The following AFG3L2 variants were observed in gnomAD, a reference collection of about 807,000 sequenced individuals.
AFG3L2 encodes the protein mitochondrial inner membrane m-AAA protease component AFG3L2.
Under a neutral mutation model 94.5 loss-of-function variants are expected in AFG3L2, and 54 were observed. The observed-to-expected ratio is 0.57, with a 90% CI of 0.46 to 0.72. The LOEUF (loss-of-function observed/expected upper bound fraction) is 0.72, where lower values mean the gene tolerates loss of function less well. Ranked by LOEUF, AFG3L2 falls within the 30% of genes least tolerant of loss-of-function variation. The pLI is 0.00. For synonymous variants in AFG3L2, 377 were observed against 365.5 expected (o/e 1.03, Z -0.36); for missense variants, 754 against 994.9 (o/e 0.76, Z 3.26).
chr18:12,358,058 T>G (rs1430984561), intron 8 of AFG3L2, among the ~76,000 whole-genome samples: 1 of 152,198 alleles, frequency 6.6e-6, no homozygotes, highest in African/African-American at 2.4e-5. Context: ...AAAGTAAAAT[T>G]TATTCATGGA....
At chr18:12,347,690 T>TC (rs1908188977) in intron 13 of AFG3L2, among the ~76,000 whole-genome samples, 1 of 151,956 alleles carries the variant, frequency 6.6e-6, no homozygotes, top group South Asian at 2.1e-4. Context: ...AGCTGAGACT[T>TC]CAAGTACGAG....
At chr18:12,369,407 T>C (rs1908907948) in intron 3 of AFG3L2, among the ~76,000 whole-genome samples, 1 of 152,082 alleles carries the variant, frequency 6.6e-6, no homozygotes, top group African/African-American at 2.4e-5. Flanking sequence ...TATTTGTCTG[T>C]CCAACTAGAT....
intron 16 of AFG3L2, among the ~76,000 whole-genome samples, chr18:12,331,529 G>A (rs1246871268): frequency 4.6e-5 from 7 of 152,102 alleles, no homozygotes; most frequent in South Asian, 2.1e-4. Flanking sequence ...ATGGCCACGC[G>A]CAATGGCTCA....
chr18:12,365,553 T>G (rs193296911), intron 5 of AFG3L2, among the ~76,000 whole-genome samples: 248 of 152,368 alleles, frequency 1.6e-3, no homozygotes, highest in African/African-American at 5.0e-3. Context: ...CTGTCCGATG[T>G]AAGCATTTTG....
chr18:12,363,969 A>C (rs1280904266), intron 5 of AFG3L2, 113 bp from the exon 6 acceptor site: 39 of 866,604 alleles, frequency 4.5e-5, no homozygotes, highest in Admixed American at 1.2e-4. Flanking sequence ...AAGAATAAAG[A>C]ATCAGATAAA....
intron 13 of AFG3L2, among the ~76,000 whole-genome samples, chr18:12,344,546 C>T (rs1030808484): frequency 6.6e-6 from 1 of 151,888 alleles, no homozygotes; most frequent in Non-Finnish European, 1.5e-5. Context: ...TCGTGGTGAG[C>T]GCCTGTACTC....
chr18:12,358,972 G>A (rs1908577553), intron 7 of AFG3L2, 29 bp from the exon 8 acceptor site: 2 of 1,595,698 alleles, frequency 1.3e-6, no homozygotes. Flanking sequence ...ACACGGGTTA[G>A]GACTGGCTGC....
chr18:12,363,639 G>GT (rs1436453436), intron 6 of AFG3L2, 143 bp downstream of exon 6: 2 of 687,568 alleles, frequency 2.9e-6, no homozygotes, highest in East Asian at 5.1e-5. Context: ...ACTGATGTTA[G>GT]TAAGATCACC....
intron 7 of AFG3L2, 29 bp downstream of exon 7, chr18:12,359,898 A>G: frequency 1.9e-6 from 3 of 1,611,892 alleles, no homozygotes; most frequent in Non-Finnish European, 2.5e-6. Flanking sequence ...CACAGTCAAC[A>G]GTCTACAAAA....
chr18:12,361,240 C>CA (rs1369717017), intron 6 of AFG3L2, among the ~76,000 whole-genome samples: 11 of 151,806 alleles, frequency 7.2e-5, no homozygotes, highest in African/African-American at 2.7e-4. Context: ...CATGGTGGCA[C>CA]CCACCTATAG....
At chr18:12,343,777 G>A (rs1908031925) in intron 14 of AFG3L2, 3 of 333,724 alleles carry the variant, frequency 9.0e-6, no homozygotes, top group South Asian at 2.9e-5. Context: ...ACCACCTCAG[G>A]ATAATAAAGA....
chr18:12,371,315 C>CAAAAAAAAAAAAAA (rs1275446956), intron 2 of AFG3L2, among the ~76,000 whole-genome samples: 4 of 66,444 alleles, frequency 6.0e-5, no homozygotes, highest in African/African-American at 2.3e-4. Context: ...ACTCAGTCTC[C>CAAAAAAAAAAAAAA]AAAAAAAAAA....
intron 16 of AFG3L2, among the ~76,000 whole-genome samples, chr18:12,330,083 C>G (rs1907470839): frequency 6.6e-6 from 1 of 152,248 alleles, no homozygotes; most frequent in Non-Finnish European, 1.5e-5. Context: ...GCCTGTAATC[C>G]TAGCACTTTG....
intron 12 of AFG3L2, among the ~76,000 whole-genome samples, 179 bp downstream of exon 12, chr18:12,350,906 C>A (rs967439442): frequency 6.6e-6 from 1 of 152,126 alleles, no homozygotes; most frequent in Admixed American, 6.5e-5. Flanking sequence ...TATGATTACA[C>A]CACTCAGTCC....
intron 16 of AFG3L2, among the ~76,000 whole-genome samples, chr18:12,332,426 C>T (rs1191173822): frequency 6.6e-6 from 1 of 152,060 alleles, no homozygotes; most frequent in East Asian, 1.9e-4. Flanking sequence ...TAACTCCTTA[C>T]TCTGAAATTT....
chr18:12,351,079 A>G lies in AFG3L2; in HGVS notation c.1552+6T>C. The stretch of plus-strand genomic sequence containing the variant: ...CTAAATAGGGTCCTCGTTATTTTCC[A>G]CTCACCTGAAAACCCTGGAGTTAAA... On this transcript the variant is annotated splice_donor_region_variant and intron_variant, in intron 12 of 16. Coordinates refer to ENST00000269143, the MANE Select transcript of AFG3L2 (RefSeq NM_006796.3). 1 of 1,612,468 alleles carries G rather than the reference A, an allele frequency of 6.2e-7. No individual in the cohort carries two copies. Among genetic ancestry groups the G allele is most frequent in the Non-Finnish European group, 8.5e-7 (1 of 1,179,986 alleles).
chr18:12,372,630 A>C (rs1484295654), intron 1 of AFG3L2, among the ~76,000 whole-genome samples: 1 of 152,238 alleles, frequency 6.6e-6, no homozygotes, highest in Non-Finnish European at 1.5e-5. Flanking sequence ...AAAAGTAGGA[A>C]CAAGCCAAAC....
chr18:12,344,430 T>G (rs1908059385), intron 13 of AFG3L2, 183 bp from the exon 14 acceptor site: 1 of 597,048 alleles, frequency 1.7e-6, no homozygotes, highest in Non-Finnish European at 3.1e-6. Context: ...ATCCCAGCAC[T>G]TTGGGAGGCT....
At chr18:12,342,416 T>C (rs529214826) in intron 14 of AFG3L2, 1 of 152,326 alleles carries the variant, frequency 6.6e-6, no homozygotes, top group Non-Finnish European at 1.5e-5. Context: ...TATTATTGAG[T>C]TCTAAGAGTT....
Sources: gnomAD v4.1 joint callset for allele counts (sites outside exome capture counted in the v4.1 genomes callset) on GRCh38, gnomAD v4.1.1 for gene constraint, MANE v1.5 for transcripts, NCBI Gene and HGNC (gene_info 2026-07-23, HGNC 2026-07-21) for gene names.